The following ALCAM variants were observed in gnomAD, a reference collection of about 807,000 sequenced individuals.
ALCAM encodes activated leukocyte cell adhesion molecule.
Under a neutral mutation model 70.9 loss-of-function variants are expected in ALCAM, and 30 were observed. That is an observed-to-expected ratio of 0.42 (90% CI 0.32 to 0.57). The LOEUF (loss-of-function observed/expected upper bound fraction) is 0.57, where lower values mean the gene tolerates loss of function less well. ALCAM is among the 20% of genes least tolerant of loss of function. The pLI is 0.11. For missense variants in ALCAM, 591 were observed against 695.1 expected, an observed-to-expected ratio of 0.85 and a Z score of 1.68; for synonymous variants, 249 against 242.5, an observed-to-expected ratio of 1.03 and a Z score of -0.25.
At chr3:105,442,257 G>A (rs1197948035) in intron 1 of ALCAM, among the ~76,000 whole-genome samples, 2 of 151,908 alleles carry the variant, frequency 1.3e-5, no homozygotes, top group Non-Finnish European at 2.9e-5. Context: ...CACATTTAGG[G>A]CCCTGTTACC....
intron 1 of ALCAM, among the ~76,000 whole-genome samples, chr3:105,486,147 T>G (rs191219702): frequency 1.4e-4 from 22 of 152,222 alleles, no homozygotes; most frequent in Non-Finnish European, 1.3e-4. Context: ...ATGAAAGCAT[T>G]GATCCTTCCA....
intron 1 of ALCAM, among the ~76,000 whole-genome samples, chr3:105,368,263 G>GAGAGAGAGAGAGAGAGAGAGAAAA (rs1412428456): frequency 7.0e-6 from 1 of 143,338 alleles, no homozygotes; most frequent in African/African-American, 2.5e-5. Context: ...GAGAGAGAGA[G>GAGAGAGAGAGAGAGAGAGAGAAAA]AAAAGGCAAA....
Position 105,534,652 on chromosome 3 carries a change from A to G in ALCAM, c.548-11A>G. 6.2e-7 allele frequency: 1 copy of G among 1,612,648 alleles called. No homozygotes were observed. The highest frequency in any genetic ancestry group is 1.1e-5 in the South Asian group (1 of 91,058). On this transcript the variant is annotated splice_polypyrimidine_tract_variant and intron_variant, in intron 5 of 15. Coordinates refer to ENST00000306107, the MANE Select transcript of ALCAM (RefSeq NM_001627.4). ...AAAGACCCTATCATCAGTGTTCTTT[A>G]TTTTCTTCAGCGGTGGTCATAATTT...
chr3:105,545,271 G>A lies in ALCAM; in HGVS notation c.1040G>A (p.Gly347Asp), dbSNP rs865775429. 3 of 1,609,302 alleles carry A rather than the reference G, an allele frequency of 1.9e-6. No homozygotes were observed. Among genetic ancestry groups the A allele is most frequent in the East Asian group, 2.2e-5 (1 of 44,736 alleles). Residue 347 changes from glycine (G) to aspartate (D), a missense_variant, in exon 9 of 16, where the codon GGT becomes GAT. Around this residue, in one of 2 missense-constraint regions of ALCAM, gnomAD observed 427 missense variants for 450.4 expected, o/e 0.95. Coordinates refer to ENST00000306107, the MANE Select transcript of ALCAM (RefSeq NM_001627.4). ...AGTGGAGAAGTGACTAGACAGATTG[G>A]TGATGCCCTACCCGTGTCATGCACA... ...NPSGEVTRQI[G>D]DALPVSCTIS...
chr3:105,473,963 T>C (rs1208003337), intron 1 of ALCAM, among the ~76,000 whole-genome samples: 2 of 151,538 alleles, frequency 1.3e-5, no homozygotes, highest in African/African-American at 4.8e-5. Context: ...CTGCCAAGGT[T>C]GAGCCATGCT....
intron 1 of ALCAM, chr3:105,513,460 G>A (rs1939295384): frequency 6.7e-6 from 1 of 150,112 alleles, no homozygotes; most frequent in South Asian, 2.1e-4. Flanking sequence ...TTTAAGAGGG[G>A]ACAATTTTGG....
intron 1 of ALCAM, among the ~76,000 whole-genome samples, chr3:105,390,318 G>C (rs1023781942): frequency 2.0e-5 from 3 of 152,018 alleles, no homozygotes; most frequent in Non-Finnish European, 4.4e-5. Context: ...ATCTCATTGT[G>C]GTTTTGATTT....
chr3:105,425,168 T>G (rs1370983858), intron 1 of ALCAM, among the ~76,000 whole-genome samples: 5 of 151,856 alleles, frequency 3.3e-5, no homozygotes, highest in African/African-American at 9.7e-5. Flanking sequence ...AAATCTTGTT[T>G]TGTACTTCAT....
At chr3:105,495,806 G>A (rs1211494025) in intron 1 of ALCAM, among the ~76,000 whole-genome samples, 1 of 152,140 alleles carries the variant, frequency 6.6e-6, no homozygotes, top group African/African-American at 2.4e-5. Context: ...AAAGTTAAGG[G>A]AATTAAAAAT....
intron 6 of ALCAM, among the ~76,000 whole-genome samples, chr3:105,536,064 T>A (rs1467646352): frequency 6.6e-6 from 1 of 151,960 alleles, no homozygotes; most frequent in African/African-American, 2.4e-5. Flanking sequence ...AAATCAAACT[T>A]TTTTAGGTGA....
At chr3:105,420,589 A>G (rs10049426) in intron 1 of ALCAM, among the ~76,000 whole-genome samples, 106,761 of 151,458 alleles carry the variant, frequency 0.7, 37,923 homozygotes, top group East Asian at 0.93. Flanking sequence ...TTGTCATAAT[A>G]TCTTCCTTAG....
At chr3:105,563,855 T>C (rs1940686577) in intron 14 of ALCAM, among the ~76,000 whole-genome samples, 1 of 149,274 alleles carries the variant, frequency 6.7e-6, no homozygotes, top group Non-Finnish European at 1.5e-5. Flanking sequence ...GCCCGGCTAA[T>C]TTTTTGTATT....
rs149729255 is a variant in ALCAM at position 105,411,337 on chromosome 3, C to A, written c.73+43856C>A. Among the ~76,000 whole-genome samples the A allele has an allele frequency of 9.9e-5, 15 of 152,180 alleles. No homozygotes were observed. The East Asian group carries it at 2.7e-3, about 27-fold the overall frequency. On this transcript the variant is annotated intron_variant, in intron 1 of 15. Transcript: ENST00000306107. ...TTCCAGTTCACTTCTGGATGTCCCA[C>A]TTGGTAAAAGAAAGTACATTTTTCA...
intron 1 of ALCAM, among the ~76,000 whole-genome samples, chr3:105,421,852 C>T (rs9842028): frequency 0.24 from 36,670 of 150,636 alleles, 5,044 homozygotes; most frequent in Non-Finnish European, 0.33. Flanking sequence ...TTTTTTTTAA[C>T]TTCAATATCT....
chr3:105,518,987 T>C (rs372537929), intron 1 of ALCAM, among the ~76,000 whole-genome samples: 1 of 152,124 alleles, frequency 6.6e-6, no homozygotes, highest in South Asian at 2.1e-4. Context: ...GTTTTATTTA[T>C]GTGTTGCAGA....
intron 1 of ALCAM, among the ~76,000 whole-genome samples, chr3:105,482,456 G>A (rs1235311981): frequency 3.9e-5 from 6 of 151,940 alleles, no homozygotes; most frequent in Admixed American, 2.0e-4. Context: ...TCAAGTAAGA[G>A]CTTTTTTTGT....
intron 1 of ALCAM, among the ~76,000 whole-genome samples, chr3:105,396,525 G>C (rs1487029354): frequency 1.3e-5 from 2 of 151,940 alleles, no homozygotes; most frequent in Non-Finnish European, 2.9e-5. Flanking sequence ...CTTCCTAAAA[G>C]GTAGAAACAA....
At chr3:105,377,269 A>G (rs1935401509) in intron 1 of ALCAM, among the ~76,000 whole-genome samples, 1 of 152,104 alleles carries the variant, frequency 6.6e-6, no homozygotes, top group South Asian at 2.1e-4. Flanking sequence ...GTTGTTTCCA[A>G]TCTTTCGTTA....
intron 8 of ALCAM, among the ~76,000 whole-genome samples, chr3:105,543,893 T>C (rs561583444): frequency 4.0e-5 from 6 of 151,774 alleles, no homozygotes; most frequent in Admixed American, 4.0e-4. Flanking sequence ...TGAGAAAGCA[T>C]GCTCCTTCCC....
Sources: allele counts gnomAD v4.1 joint callset (sites outside exome capture counted in the v4.1 genomes callset), GRCh38; gene constraint gnomAD v4.1.1; regional missense constraint gnomAD v4.1.1; transcripts MANE v1.5; gene names NCBI Gene and HGNC (gene_info 2026-07-23, HGNC 2026-07-21).